The following RIDA variants were observed in gnomAD, a reference collection of about 807,000 sequenced individuals.
The protein encoded by RIDA is 2-iminobutanoate/2-iminopropanoate deaminase.
RIDA carries 17 observed loss-of-function variants against 17.8 expected under a neutral mutation model. The observed-to-expected ratio is 0.96, with a 90% CI of 0.65 to 1.43. RIDA has a LOEUF of 1.43. Among genes scored for constraint, RIDA ranks in the 40% most tolerant of loss-of-function variants. The pLI is 0.00. For missense variants in RIDA, 158 were observed against 161.7 expected, an observed-to-expected ratio of 0.98 and a Z score of 0.12; for synonymous variants, 48 against 55.7, an observed-to-expected ratio of 0.86 and a Z score of 0.62.
rs80197355 is a variant in RIDA at position 98,104,337 on chromosome 8, T to C, written c.351+152A>G. Reference sequence around the variant, plus strand: ...CCTGGCCTCAAGCGATCCTCCTGTGTTGGCCTCTCAAAGCACTGGGATTAC... The same window carrying C: ...CCTGGCCTCAAGCGATCCTCCTGTGCTGGCCTCTCAAAGCACTGGGATTAC... On this transcript the variant is annotated intron_variant, in intron 5 of 5. Coordinates refer to ENST00000254878, the MANE Select transcript of RIDA (RefSeq NM_005836.3). 2.4e-3 allele frequency: 1,660 copies of C among 692,588 alleles called. 17 individuals carry two copies. In the African/African-American group the frequency reaches 0.026, roughly 11 times the overall value. 42.9% of individuals were successfully genotyped at this position (692,588 alleles called of 1,614,324 possible).
At chr8:98,112,069 A>G (rs1320570810) in intron 1 of RIDA, among the ~76,000 whole-genome samples, 1 of 152,116 alleles carries the variant, frequency 6.6e-6, no homozygotes, top group Non-Finnish European at 1.5e-5. Flanking sequence ...AGATCTTTCC[A>G]TAAGTATATG....
chr8:98,114,822 C>T (rs1037464730), intron 1 of RIDA, among the ~76,000 whole-genome samples: 1 of 152,028 alleles, frequency 6.6e-6, no homozygotes, highest in East Asian at 1.9e-4. Context: ...CAGTATTTCT[C>T]AAAGGAGTCA....
intron 4 of RIDA, among the ~76,000 whole-genome samples, chr8:98,105,135 A>G (rs1815615908): frequency 6.6e-6 from 1 of 151,634 alleles, no homozygotes; most frequent in Admixed American, 6.6e-5. Context: ...AAAAAAAAAA[A>G]AAAAAAAAAG....
chr8:98,103,744 C>A (rs895689544), intron 5 of RIDA, among the ~76,000 whole-genome samples: 2 of 151,822 alleles, frequency 1.3e-5, no homozygotes, highest in African/African-American at 4.8e-5. Context: ...TCATGCCATT[C>A]TCCTGCCTCA....
intron 2 of RIDA, 85 bp downstream of exon 2, chr8:98,108,561 A>G: frequency 1.2e-6 from 1 of 854,588 alleles, no homozygotes; most frequent in South Asian, 1.3e-5. Flanking sequence ...TCTCTATAAA[A>G]CAAATCAGGC....
intron 5 of RIDA, among the ~76,000 whole-genome samples, chr8:98,103,782 G>A (rs3779723): frequency 0.15 from 22,933 of 151,684 alleles, 1,890 homozygotes; most frequent in African/African-American, 0.22. Context: ...GACTACAGGC[G>A]TCCGCCACCA....
At chr8:98,108,604 A>C in intron 2 of RIDA, 42 bp downstream of exon 2, 1 of 1,188,326 alleles carries the variant, frequency 8.4e-7, no homozygotes, top group Non-Finnish European at 1.3e-6. Context: ...AACATTAAAA[A>C]GGTAGTAGAA....
intron 4 of RIDA, among the ~76,000 whole-genome samples, chr8:98,105,139 A>G (rs1481465448): frequency 2.0e-5 from 3 of 151,584 alleles, no homozygotes; most frequent in African/African-American, 7.3e-5. Context: ...AAAAAAAAAA[A>G]AAAAAGAAAT....
At chr8:98,116,884 A>T (rs1279070938) in intron 1 of RIDA, 148 bp downstream of exon 1, 354 of 657,070 alleles carry the variant, frequency 5.4e-4, no homozygotes, top group Non-Finnish European at 6.4e-5. Context: ...GTGGCTCCCA[A>T]CTCTCTGTGG....
At chr8:98,103,889 C>T (rs558711927) in intron 5 of RIDA, among the ~76,000 whole-genome samples, 1 of 152,046 alleles carries the variant, frequency 6.6e-6, no homozygotes, top group South Asian at 2.1e-4. Flanking sequence ...CCGCCCGCCT[C>T]GGCCTCCGAA....
intron 5 of RIDA, among the ~76,000 whole-genome samples, chr8:98,103,688 G>A (rs986705890): frequency 6.6e-6 from 1 of 151,694 alleles, no homozygotes; most frequent in Non-Finnish European, 1.5e-5. Context: ...CCAGGCTGGA[G>A]TGCAGTGGCG....
At chr8:98,110,037 A>G (rs1815702256) in intron 1 of RIDA, among the ~76,000 whole-genome samples, 1 of 152,240 alleles carries the variant, frequency 6.6e-6, no homozygotes, top group African/African-American at 2.4e-5. Context: ...ACCCACTGAT[A>G]GATCCAACAA....
chr8:98,106,264 T>G lies in RIDA; in HGVS notation c.226+8A>C, dbSNP rs370891569. 1.4e-5 allele frequency: 23 copies of G among 1,611,644 alleles called. No individual in the cohort carries two copies. The African/African-American group carries it at 2.1e-4, about 15-fold the overall frequency. On this transcript the variant is annotated splice_region_variant and intron_variant, in intron 3 of 5. Transcript: ENST00000254878. ...AAAAGAAATGTGAAATAATATCAAA[T>G]TGCTCACCGTTAGTGAAGTCACAGC...
At chr8:98,104,314 T>C (rs1396633579) in intron 5 of RIDA, among the ~76,000 whole-genome samples, 175 bp downstream of exon 5, 1 of 152,184 alleles carries the variant, frequency 6.6e-6, no homozygotes, top group Non-Finnish European at 1.5e-5. Context: ...CTAGAACTCC[T>C]GGCCTCAAGC....
At chr8:98,103,313 A>G (rs1815585669) in intron 5 of RIDA, among the ~76,000 whole-genome samples, 1 of 152,236 alleles carries the variant, frequency 6.6e-6, no homozygotes, top group Admixed American at 6.5e-5. Flanking sequence ...CATTCCAAGT[A>G]ACAACTAATT....
intron 5 of RIDA, among the ~76,000 whole-genome samples, chr8:98,103,934 G>C (rs1268556845): frequency 6.6e-6 from 1 of 151,590 alleles, no homozygotes; most frequent in Non-Finnish European, 1.5e-5. Flanking sequence ...CACCGCGCCT[G>C]GCCTTTTCTC....
At position 98,105,965 on chromosome 8, in the gene RIDA, T is replaced by C. The variant is rs1367815197; in HGVS notation, c.268A>G (p.Asn90Asp). 1 of 1,607,906 alleles carries C rather than the reference T, an allele frequency of 6.2e-7. No individual in the cohort carries two copies. Among genetic ancestry groups the C allele is most frequent in the South Asian group, 1.1e-5 (1 of 90,932 alleles). ...TVLLADINDF[N>D]TVNEIYKQYF... is the part of the protein sequence containing the mutation. ...TGTTTGTAGATTTCATTGACAGTAT[T>C]GAAGTCATTTATGTCAGCCAGAAGA... Residue 90 changes from asparagine (N) to aspartate (D), a missense_variant, in exon 4 of 6, where the codon AAT becomes GAT. Physicochemically the swap from Asn to Asp is conservative, Grantham distance 23. Transcript: ENST00000254878.
At position 98,117,112 on chromosome 8, in the gene RIDA, C is replaced by T. The variant is rs764039516; in HGVS notation, c.-16G>A. 1.9e-6 allele frequency: 3 copies of T among 1,613,558 alleles called. No homozygotes were observed. Among genetic ancestry groups the T allele is most frequent in the African/African-American group, 1.3e-5 (1 of 75,078 alleles). ...AGGACGACATGGCTAAGCCTTCCCT[C>T]TTGCAGCCCCTTCAGGAGAAGAAGC... is the stretch of plus-strand genomic sequence containing the variant. On this transcript the variant is annotated 5_prime_UTR_variant, in exon 1 of 6. Coordinates refer to ENST00000254878, the MANE Select transcript of RIDA (RefSeq NM_005836.3).
Position 98,117,041 on chromosome 8 carries a change from C to T in RIDA, c.56G>A (p.Gly19Glu). The stretch of plus-strand genomic sequence containing the variant: ...CCACCAGCCACGTTACCTGTAGGGT[C>T]CAATGGCCCCTGGGGCTTTCGCGGT... ...ISTAKAPGAI[G>E]PYSQAVLVDR... The change falls in exon 1 of 6, where the codon GGA becomes GAA. Residue 19 changes from glycine to glutamate, a missense_variant. By Grantham distance (98) the Gly-to-Glu change is moderately conservative. Transcript: ENST00000254878. 6.2e-7 allele frequency: 1 copy of T among 1,613,940 alleles called. No homozygotes were observed. The highest frequency in any genetic ancestry group is 8.5e-7 in the Non-Finnish European group (1 of 1,179,784).
Sources: gnomAD v4.1 joint callset for allele counts (sites outside exome capture counted in the v4.1 genomes callset) on GRCh38, gnomAD v4.1.1 for gene constraint, MANE v1.5 for transcripts, NCBI Gene and HGNC (gene_info 2026-07-23, HGNC 2026-07-21) for gene names.